Variants in ABL1 observed in about 807,000 individuals in gnomAD.
The protein encoded by ABL1 is ABL proto-oncogene 1, non-receptor tyrosine kinase, also known as tyrosine-protein kinase ABL1.
In ABL1, 11 loss-of-function variants were observed where a neutral mutation model predicts 94.7. That is an observed-to-expected ratio of 0.12 (90% CI 0.07 to 0.19). ABL1 has a LOEUF of 0.19. Among genes scored for constraint, ABL1 ranks in the 10% least tolerant of loss-of-function variants. ABL1 has a pLI of 1.00. For missense variants in ABL1, 1,082 were observed against 1,489.4 expected (o/e 0.73, Z 4.50); for synonymous variants, 656 against 622.4 (o/e 1.05, Z -0.80).
chr9:130,825,242 G>A (rs1022674811), intron 1 of ABL1, among the ~76,000 whole-genome samples: 11 of 152,060 alleles, frequency 7.2e-5, no homozygotes, highest in Admixed American at 5.9e-4. Flanking sequence ...TTTACACTGT[G>A]GGGAGGTTTA....
intron 1 of ABL1, among the ~76,000 whole-genome samples, chr9:130,752,308 C>G (rs1008829451): frequency 1.6e-4 from 25 of 152,136 alleles, no homozygotes; most frequent in Non-Finnish European, 2.8e-4. Flanking sequence ...ACTTTCTCAT[C>G]TTTAAGATAG....
chr9:130,717,994 A>G (rs1446591802), intron 1 of ABL1, among the ~76,000 whole-genome samples: 2 of 145,280 alleles, frequency 1.4e-5, no homozygotes, highest in Non-Finnish European at 3.0e-5. Context: ...CCTGGGCAAC[A>G]AGAGCGAAAC....
At chr9:130,775,181 C>G (rs1832297348) in intron 1 of ABL1, among the ~76,000 whole-genome samples, 1 of 152,154 alleles carries the variant, frequency 6.6e-6, no homozygotes, top group South Asian at 2.1e-4. Flanking sequence ...ATCTTTTTCT[C>G]AGTCTTAACA....
intron 1 of ABL1, among the ~76,000 whole-genome samples, chr9:130,808,817 CAT>C (rs373710747): frequency 2.9e-4 from 44 of 152,304 alleles, no homozygotes; most frequent in African/African-American, 1.0e-3. Flanking sequence ...TGTGTCCACA[CAT>C]GATTGGCTAA....
intron 1 of ABL1, among the ~76,000 whole-genome samples, chr9:130,746,141 T>A (rs1831884815): frequency 6.6e-6 from 1 of 152,118 alleles, no homozygotes; most frequent in African/African-American, 2.4e-5. Context: ...TGCTGCTTAT[T>A]TCCAAGCCTT....
chr9:130,860,471 G>A (rs1034374911), intron 3 of ABL1, among the ~76,000 whole-genome samples: 4 of 152,160 alleles, frequency 2.6e-5, no homozygotes, highest in South Asian at 2.1e-4. Flanking sequence ...GAAATTCTGC[G>A]TAAACTAGGA....
At chr9:130,726,285 T>C (rs1451734221) in intron 1 of ABL1, among the ~76,000 whole-genome samples, 3 of 152,184 alleles carry the variant, frequency 2.0e-5, no homozygotes, top group African/African-American at 7.2e-5. Context: ...TAGAAAATTG[T>C]GAGCACACCT....
intron 1 of ABL1, among the ~76,000 whole-genome samples, chr9:130,850,015 C>T (rs1440741483): frequency 1.3e-5 from 2 of 152,034 alleles, no homozygotes; most frequent in East Asian, 1.9e-4. Context: ...CTAAATTGAC[C>T]GGCACTCTTC....
chr9:130,885,971 C>T lies in ABL1; in HGVS notation c.*288C>T, dbSNP rs1029258482. The T allele has an allele frequency of 1.8e-5, 8 of 444,500 alleles. No individual in the cohort carries two copies. Among genetic ancestry groups the T allele is most frequent in the African/African-American group, 5.9e-5 (3 of 51,214 alleles). The allele number at this position is 444,500 out of a possible 1,614,324, so 27.5% of individuals were successfully genotyped here. ...TCGGCATGCCAGGACCCGCCAGCCC[C>T]GCTCCCACCTAGTGCCCCAGACTGA... is the stretch of plus-strand genomic sequence containing the variant. On this transcript the variant is annotated 3_prime_UTR_variant, in exon 11 of 11. Coordinates refer to ENST00000318560, the MANE Select transcript of ABL1 (RefSeq NM_005157.6).
At chr9:130,751,595 G>A (rs1488224476) in intron 1 of ABL1, among the ~76,000 whole-genome samples, 2 of 148,398 alleles carry the variant, frequency 1.3e-5, no homozygotes, top group Non-Finnish European at 3.0e-5. Flanking sequence ...GGAAGCTGCA[G>A]CCTCTTCAGG....
rs942460120 is a variant in ABL1 at position 130,863,353 on chromosome 9, G to A, written c.822+318G>A. ...AAAGCCGTGGATTTCCATGCTGTTC[G>A]TGCGGCATGGAGATCACTTCCTACC... is the stretch of plus-strand genomic sequence containing the variant. On this transcript the variant is annotated intron_variant, in intron 4 of 10. Coordinates refer to ENST00000318560, the MANE Select transcript of ABL1 (RefSeq NM_005157.6). This position sits in a 1 kb window ranked among gnomAD's most constrained non-coding sequence, Gnocchi z 4.3. Among the ~76,000 whole-genome samples the A allele has an allele frequency of 2.0e-5, 3 of 152,096 alleles. No individual in the cohort carries two copies. The highest frequency in any genetic ancestry group is 4.8e-5 in the African/African-American group (2 of 41,416).
At chr9:130,799,898 A>G (rs1830032487) in intron 1 of ABL1, among the ~76,000 whole-genome samples, 2 of 151,646 alleles carry the variant, frequency 1.3e-5, no homozygotes, top group South Asian at 4.2e-4. Context: ...TTAGAGATGG[A>G]GTCTTGCTCT....
At chr9:130,781,208 C>T (rs573922920) in intron 1 of ABL1, among the ~76,000 whole-genome samples, 1 of 152,280 alleles carries the variant, frequency 6.6e-6, no homozygotes, top group South Asian at 2.1e-4. Flanking sequence ...CACAGAAAAC[C>T]CTTCTTGAGT....
intron 1 of ABL1, among the ~76,000 whole-genome samples, chr9:130,809,595 C>T (rs895195814): frequency 1.7e-4 from 26 of 152,162 alleles, no homozygotes; most frequent in Non-Finnish European, 3.7e-4. Context: ...AAGACCCAGG[C>T]AGAGCCAATG....
intron 1 of ABL1, among the ~76,000 whole-genome samples, chr9:130,762,897 G>A (rs1164787748): frequency 1.4e-5 from 2 of 140,550 alleles, no homozygotes; most frequent in African/African-American, 2.8e-5. Context: ...GTGACAGAGC[G>A]AGACTCCGTC....
chr9:130,742,293 G>T (rs1388907685), intron 1 of ABL1, among the ~76,000 whole-genome samples: 3 of 152,160 alleles, frequency 2.0e-5, no homozygotes, highest in Non-Finnish European at 4.4e-5. Context: ...ATTAATCCAG[G>T]TCAATGCCCT....
At chr9:130,759,101 G>A (rs1002529618) in intron 1 of ABL1, among the ~76,000 whole-genome samples, 3 of 151,864 alleles carry the variant, frequency 2.0e-5, no homozygotes, top group Admixed American at 1.3e-4. Context: ...TTGTTGTTGC[G>A]TAGAGGAAGA....
At chr9:130,719,399 G>T (rs531352067) in intron 1 of ABL1, among the ~76,000 whole-genome samples, 12 of 152,044 alleles carry the variant, frequency 7.9e-5, no homozygotes, top group Non-Finnish European at 1.3e-4. Flanking sequence ...CGTGGTTGCA[G>T]GTGCCTGTAG....
chr9:130,715,144 A>G (rs1366527889), intron 1 of ABL1, among the ~76,000 whole-genome samples: 1 of 152,166 alleles, frequency 6.6e-6, no homozygotes, highest in African/African-American at 2.4e-5. Context: ...GTTATCTGTG[A>G]CATTTTTATG....
Sources: gnomAD v4.1 joint callset for allele counts (sites outside exome capture counted in the v4.1 genomes callset) on GRCh38, gnomAD v4.1.1 for gene constraint, Gnocchi (gnomAD v3.1) non-coding constraint, MANE v1.5 for transcripts, NCBI Gene and HGNC (gene_info 2026-07-23, HGNC 2026-07-21) for gene names.